Variants in CLVS1 observed in about 807,000 individuals in gnomAD.
The protein encoded by CLVS1 is clavesin-1.
A neutral mutation model predicts 33.1 loss-of-function variants in CLVS1; 10 were observed. The observed-to-expected ratio is 0.30, with a 90% CI of 0.19 to 0.51. The LOEUF (loss-of-function observed/expected upper bound fraction) is 0.51, where lower values mean the gene tolerates loss of function less well. CLVS1 is among the 20% of genes least tolerant of loss of function. The probability of loss-of-function intolerance (pLI) is 0.97; values close to 1 mark genes in which losing one functional copy is unlikely to be tolerated. For synonymous variants in CLVS1, 163 were observed against 166.1 expected, an observed-to-expected ratio of 0.98 and a Z score of 0.14; for missense variants, 343 against 433.4, an observed-to-expected ratio of 0.79 and a Z score of 1.85.
At chr8:61,135,869 A>T (rs775964496) in intron 2 of CLVS1, among the ~76,000 whole-genome samples, 7 of 152,192 alleles carry the variant, frequency 4.6e-5, no homozygotes, top group Non-Finnish European at 7.3e-5. Context: ...CCATATGTTA[A>T]AAGATGAAGC....
intron 2 of CLVS1, among the ~76,000 whole-genome samples, chr8:61,254,571 G>T (rs1450914996): frequency 6.6e-6 from 1 of 152,188 alleles, no homozygotes; most frequent in South Asian, 2.1e-4. Flanking sequence ...GCTGTACCCA[G>T]TTTGAGCTTC....
upstream of CLVS1, among the ~76,000 whole-genome samples, chr8:61,054,591 A>G (rs756090712): frequency 5.3e-5 from 8 of 152,058 alleles, no homozygotes; most frequent in Non-Finnish European, 1.2e-4. Context: ...GCAGCGTCTT[A>G]AAGATACTTG....
chr8:61,026,459 T>A, the CLVS1 span, among the ~76,000 whole-genome samples: 3 of 152,220 alleles, frequency 2.0e-5, no homozygotes, highest in South Asian at 6.2e-4. Flanking sequence ...ATTAATTCAG[T>A]CATCCATATA....
the CLVS1 span, among the ~76,000 whole-genome samples, chr8:61,047,041 T>G: frequency 6.6e-6 from 1 of 152,282 alleles, no homozygotes; most frequent in African/African-American, 2.4e-5. Flanking sequence ...ATAGGAGTGG[T>G]GAGAGAGGGC....
intron 3 of CLVS1, among the ~76,000 whole-genome samples, chr8:61,451,127 A>G (rs901356506): frequency 6.6e-6 from 1 of 152,166 alleles, no homozygotes; most frequent in Non-Finnish European, 1.5e-5. Flanking sequence ...CAAGACATTT[A>G]ATGTTAACAA....
chr8:61,351,384 A>G (rs1482520300), intron 2 of CLVS1, among the ~76,000 whole-genome samples: 2 of 152,094 alleles, frequency 1.3e-5, no homozygotes, highest in Non-Finnish European at 2.9e-5. Context: ...AATAGAATTT[A>G]CCCAATATGA....
chr8:61,033,541 C>T, the CLVS1 span, among the ~76,000 whole-genome samples: 27 of 152,348 alleles, frequency 1.8e-4, no homozygotes, highest in African/African-American at 6.3e-4. Context: ...GGAAACCTGT[C>T]TCCCTCAGTC....
At chr8:61,250,398 T>C (rs1324727131) in intron 2 of CLVS1, among the ~76,000 whole-genome samples, 2 of 152,136 alleles carry the variant, frequency 1.3e-5, no homozygotes. Context: ...CTTGGCAATG[T>C]GGGCTCTTTT....
intron 2 of CLVS1, among the ~76,000 whole-genome samples, chr8:61,164,025 G>T (rs113810817): frequency 6.6e-6 from 1 of 152,182 alleles, no homozygotes; most frequent in African/African-American, 2.4e-5. Flanking sequence ...GCTCGAATGC[G>T]TGGGGTTTAT....
chr8:61,296,878 T>C (rs1234788975), intron 1 of CLVS1, among the ~76,000 whole-genome samples: 1 of 152,096 alleles, frequency 6.6e-6, no homozygotes, highest in Non-Finnish European at 1.5e-5. Flanking sequence ...GATACACAGA[T>C]GAATTAAATC....
At chr8:61,009,276 T>C in the CLVS1 span, among the ~76,000 whole-genome samples, 1 of 151,946 alleles carries the variant, frequency 6.6e-6, no homozygotes, top group African/African-American at 2.4e-5. Context: ...GCCTCCTGAG[T>C]AGCTGGGACC....
chr8:61,345,668 G>GTA (rs961721442), intron 2 of CLVS1, among the ~76,000 whole-genome samples: 3 of 150,548 alleles, frequency 2.0e-5, no homozygotes, highest in Admixed American at 2.0e-4. Context: ...GTGTGTGTGT[G>GTA]TGTTTGGTTT....
chr8:61,497,570 T>G (rs1178777321), intron 5 of CLVS1, among the ~76,000 whole-genome samples: 1 of 152,086 alleles, frequency 6.6e-6, no homozygotes, highest in Non-Finnish European at 1.5e-5. Flanking sequence ...AGTTAGTCTT[T>G]GGGTCAGGGG....
At chr8:61,267,859 T>C (rs1254594358) in intron 2 of CLVS1, among the ~76,000 whole-genome samples, 1 of 152,222 alleles carries the variant, frequency 6.6e-6, no homozygotes, top group Non-Finnish European at 1.5e-5. Context: ...TGAGTTAATT[T>C]ATTTAAGAAA....
chr8:61,427,071 CA>C (rs1268711620), intron 3 of CLVS1, among the ~76,000 whole-genome samples: 1 of 152,120 alleles, frequency 6.6e-6, no homozygotes, highest in Non-Finnish European at 1.5e-5. Context: ...ATGGTGTTCA[CA>C]AAACATTTCA....
intron 3 of CLVS1, among the ~76,000 whole-genome samples, chr8:61,384,722 G>A (rs936627566): frequency 2.0e-5 from 3 of 152,164 alleles, no homozygotes; most frequent in African/African-American, 7.2e-5. Context: ...AAGAGGTTTA[G>A]GATGGATCCA....
chr8:61,466,157 TTGTATTAGTTA>T (rs1311876669), intron 5 of CLVS1, among the ~76,000 whole-genome samples: 3 of 152,158 alleles, frequency 2.0e-5, no homozygotes. Context: ...TAAATAAGCT[TTGTATTAGTTA>T]TGATTATTTT....
At chr8:61,032,301 T>C in the CLVS1 span, among the ~76,000 whole-genome samples, 1 of 152,206 alleles carries the variant, frequency 6.6e-6, no homozygotes, top group African/African-American at 2.4e-5. Context: ...TTCCTGCCCC[T>C]GTGGTCTTCA....
intron 3 of CLVS1, among the ~76,000 whole-genome samples, chr8:61,442,129 CT>C (rs1357695599): frequency 6.6e-6 from 1 of 152,122 alleles, no homozygotes; most frequent in Non-Finnish European, 1.5e-5. Flanking sequence ...TGTTCTGTTT[CT>C]ATAATTTCAT....
Sources: gnomAD v4.1 joint callset for allele counts (sites outside exome capture counted in the v4.1 genomes callset) on GRCh38, gnomAD v4.1.1 for gene constraint, MANE v1.5 for transcripts, NCBI Gene and HGNC (gene_info 2026-07-23, HGNC 2026-07-21) for gene names.